The following PTPRD variants were observed in gnomAD, a reference collection of about 807,000 sequenced individuals.
The protein encoded by PTPRD is protein tyrosine phosphatase receptor type D.
A neutral mutation model predicts 214.5 loss-of-function variants in PTPRD; 34 were observed. The observed-to-expected ratio is 0.16, with a 90% confidence interval of 0.12 to 0.21. The LOEUF is 0.21. PTPRD is among the 10% of genes least tolerant of loss of function. The pLI is 1.00. For missense variants in PTPRD, 2,545 were observed against 2,398.7 expected, an observed-to-expected ratio of 1.06 and a Z score of -1.27; for synonymous variants, 1,128 against 845.7, an observed-to-expected ratio of 1.33 and a Z score of -5.79.
intron 8 of PTPRD, among the ~76,000 whole-genome samples, chr9:9,409,126 TTTC>T (rs1467182157): frequency 6.6e-6 from 1 of 151,994 alleles, no homozygotes; most frequent in Non-Finnish European, 1.5e-5. Context: ...CATATTATGC[TTTC>T]TTATTTTAAT....
chr9:8,780,549 G>A (rs2095654234), intron 11 of PTPRD, among the ~76,000 whole-genome samples: 1 of 152,164 alleles, frequency 6.6e-6, no homozygotes, highest in Non-Finnish European at 1.5e-5. Flanking sequence ...AACAAAAAAT[G>A]TCCATGGTAG....
At chr9:10,556,340 A>T (rs1435728273) in intron 2 of PTPRD, among the ~76,000 whole-genome samples, 1 of 152,000 alleles carries the variant, frequency 6.6e-6, no homozygotes, top group Non-Finnish European at 1.5e-5. Context: ...TTAGGAAAAA[A>T]AAACATGGAA....
At chr9:8,403,021 G>A (rs1179140197) in intron 36 of PTPRD, among the ~76,000 whole-genome samples, 2 of 151,902 alleles carry the variant, frequency 1.3e-5, no homozygotes, top group Non-Finnish European at 2.9e-5. Flanking sequence ...AGGTAAGGAG[G>A]GCCACAGGTA....
intron 8 of PTPRD, among the ~76,000 whole-genome samples, chr9:9,546,277 A>G (rs2078794119): frequency 6.6e-6 from 1 of 151,688 alleles, no homozygotes; most frequent in African/African-American, 2.4e-5. Context: ...CATCTGAGAA[A>G]AAAAAATAGT....
chr9:9,633,578 C>T (rs2095661229), intron 7 of PTPRD, among the ~76,000 whole-genome samples: 1 of 152,140 alleles, frequency 6.6e-6, no homozygotes, highest in South Asian at 2.1e-4. Context: ...CTGATTCTCT[C>T]TCAGTGAGAG....
intron 2 of PTPRD, among the ~76,000 whole-genome samples, chr9:10,410,344 C>T (rs557185317): frequency 1.7e-3 from 241 of 144,386 alleles, no homozygotes; most frequent in Non-Finnish European, 2.7e-3. Flanking sequence ...TTTACATATT[C>T]CTCTCTCTGC....
chr9:10,115,830 T>C (rs911031464), intron 3 of PTPRD, among the ~76,000 whole-genome samples: 3 of 152,054 alleles, frequency 2.0e-5, no homozygotes, highest in Non-Finnish European at 4.4e-5. Context: ...GGACAATAAA[T>C]CTATATCAAA....
chr9:10,030,014 G>A (rs915803017), intron 4 of PTPRD, among the ~76,000 whole-genome samples: 1 of 152,090 alleles, frequency 6.6e-6, no homozygotes, highest in Non-Finnish European at 1.5e-5. Context: ...GATGGTTTTT[G>A]AAAGAGTGGG....
intron 20 of PTPRD, 38 bp downstream of exon 20, chr9:8,521,239 T>A (rs201648723): frequency 1.9e-6 from 3 of 1,578,766 alleles, no homozygotes; most frequent in Non-Finnish European, 2.6e-6. Flanking sequence ...TTGGCTTGAG[T>A]GTACCCAGAT....
intron 2 of PTPRD, among the ~76,000 whole-genome samples, chr9:10,443,945 C>A (rs746556233): frequency 1.3e-5 from 2 of 151,020 alleles, no homozygotes; most frequent in Non-Finnish European, 3.0e-5. Context: ...CTATAAGTTG[C>A]TTTACTCTAT....
chr9:9,075,951 G>T lies in PTPRD; in HGVS notation c.-142-57216C>A, dbSNP rs147229503. Among the ~76,000 whole-genome samples the T allele has an allele frequency of 4.4e-3, 669 of 152,206 alleles. 5 individuals are homozygous for T. The highest frequency in any genetic ancestry group is 0.015 in the African/African-American group (639 of 41,526). On this transcript the variant is annotated intron_variant, in intron 10 of 45. Coordinates refer to ENST00000381196, the MANE Select transcript of PTPRD (RefSeq NM_002839.4). ...AGTAATGGGATGGCTGGGTCAAATG[G>T]TATGTCTAGTTCTAGATCCTAGAGA...
At chr9:10,360,321 ACATCACAAAACT>A (rs2097354548) in intron 2 of PTPRD, among the ~76,000 whole-genome samples, 1 of 152,278 alleles carries the variant, frequency 6.6e-6, no homozygotes, top group South Asian at 2.1e-4. Flanking sequence ...TATTTTAAGT[ACATCACAAAACT>A]CATCACAATT....
chr9:9,910,491 C>A (rs761117579), intron 5 of PTPRD, among the ~76,000 whole-genome samples: 1 of 151,972 alleles, frequency 6.6e-6, no homozygotes, highest in Non-Finnish European at 1.5e-5. Flanking sequence ...TGAAAACATA[C>A]GTACTCCTCT....
intron 2 of PTPRD, among the ~76,000 whole-genome samples, chr9:10,440,682 T>C (rs2098752641): frequency 6.6e-6 from 1 of 151,758 alleles, no homozygotes. Flanking sequence ...GTTGGACAGA[T>C]CATTTCACCT....
intron 5 of PTPRD, among the ~76,000 whole-genome samples, chr9:9,804,995 T>C (rs2099063961): frequency 6.6e-6 from 1 of 152,124 alleles, no homozygotes; most frequent in Non-Finnish European, 1.5e-5. Context: ...TTGTAAAATA[T>C]TGTACAGATT....
chr9:9,980,221 T>C (rs2095492372), intron 4 of PTPRD, among the ~76,000 whole-genome samples: 1 of 152,120 alleles, frequency 6.6e-6, no homozygotes, highest in South Asian at 2.1e-4. Context: ...AGAAAGTTAT[T>C]TTAAAATATT....
intron 7 of PTPRD, among the ~76,000 whole-genome samples, chr9:9,684,950 C>A (rs1006197398): frequency 6.6e-6 from 1 of 151,554 alleles, no homozygotes; most frequent in Non-Finnish European, 1.5e-5. Flanking sequence ...ATAGATTATA[C>A]ATCACAGTTG....
intron 7 of PTPRD, among the ~76,000 whole-genome samples, chr9:9,694,175 G>C (rs546546331): frequency 1.3e-5 from 2 of 152,058 alleles, no homozygotes; most frequent in Non-Finnish European, 2.9e-5. Flanking sequence ...TTTGTGCCTG[G>C]GCATTGAAGA....
At chr9:10,049,813 C>G (rs1204469446) in intron 3 of PTPRD, among the ~76,000 whole-genome samples, 1 of 152,078 alleles carries the variant, frequency 6.6e-6, no homozygotes, top group Non-Finnish European at 1.5e-5. Flanking sequence ...GCTTGTAGGC[C>G]AAGTCCTTGT....
Sources: allele counts gnomAD v4.1 joint callset (sites outside exome capture counted in the v4.1 genomes callset), GRCh38; gene constraint gnomAD v4.1.1; transcripts MANE v1.5; gene names NCBI Gene and HGNC (gene_info 2026-07-23, HGNC 2026-07-21).